The following MYT1L variants were observed in gnomAD, a reference collection of about 807,000 sequenced individuals.
The protein encoded by MYT1L is myelin transcription factor 1 like.
In MYT1L, 12 loss-of-function variants were observed where a neutral mutation model predicts 126.7. The observed-to-expected ratio is 0.09, with a 90% confidence interval of 0.06 to 0.15. The LOEUF (loss-of-function observed/expected upper bound fraction) is 0.15. Ranked by LOEUF, MYT1L falls within the 10% of genes least tolerant of loss-of-function variation. The pLI, the probability that MYT1L is intolerant of heterozygous loss-of-function variation, is 1.00. For synonymous variants in MYT1L, 541 were observed against 604.2 expected (o/e 0.90, Z 1.53); for missense variants, 979 against 1,585.2 (o/e 0.62, Z 6.49).
intron 1 of MYT1L, among the ~76,000 whole-genome samples, chr2:2,288,185 C>T (rs1326301852): frequency 1.3e-5 from 2 of 152,172 alleles, no homozygotes; most frequent in African/African-American, 2.4e-5. Flanking sequence ...CAGGTAGATA[C>T]AGGACAACAT....
chr2:1,859,872 G>T lies in MYT1L; in HGVS notation c.2712-8169C>A, dbSNP rs956305282. Among the ~76,000 whole-genome samples the T allele has an allele frequency of 7.9e-5, 12 of 152,352 alleles. No individual in the cohort carries two copies. In the East Asian group the frequency reaches 2.3e-3, roughly 29 times the overall value. On this transcript the variant is annotated intron_variant, in intron 18 of 24. Coordinates refer to ENST00000647738, the MANE Select transcript of MYT1L (RefSeq NM_001303052.2). ...GGATGAGAGGGGCTCTGGGAAAGGG[G>T]ACCCGGGCCGCGCTGGTGACAGGTC...
At chr2:1,947,969 T>C (rs549294085) in intron 8 of MYT1L, among the ~76,000 whole-genome samples, 2 of 152,376 alleles carry the variant, frequency 1.3e-5, no homozygotes, top group African/African-American at 4.8e-5. Context: ...GGCTTGGTGT[T>C]GTTAACACCT....
At chr2:2,295,791 CAGAGAG>C (rs200564543) in intron 1 of MYT1L, among the ~76,000 whole-genome samples, 24 of 100,358 alleles carry the variant, frequency 2.4e-4, no homozygotes, top group Non-Finnish European at 4.0e-4. Context: ...GAGAGACAGA[CAGAGAG>C]AGAGAGAGAG....
At chr2:2,209,011 C>A (rs2093410606) in intron 2 of MYT1L, among the ~76,000 whole-genome samples, 1 of 152,002 alleles carries the variant, frequency 6.6e-6, no homozygotes, top group South Asian at 2.1e-4. Flanking sequence ...CACACACACA[C>A]ACACACACAC....
intron 3 of MYT1L, among the ~76,000 whole-genome samples, chr2:2,138,566 T>C (rs1337618037): frequency 2.1e-5 from 3 of 141,868 alleles, no homozygotes; most frequent in African/African-American, 7.9e-5. Context: ...AAATTGGAAA[T>C]CATCATTCTC....
chr2:2,158,820 A>T (rs2087241940), intron 3 of MYT1L, among the ~76,000 whole-genome samples: 1 of 152,136 alleles, frequency 6.6e-6, no homozygotes, highest in Admixed American at 6.6e-5. Context: ...TTTCACCGAC[A>T]GGCAGACAGC....
intron 2 of MYT1L, among the ~76,000 whole-genome samples, chr2:2,265,073 C>T (rs1241025216): frequency 3.3e-5 from 5 of 150,864 alleles, no homozygotes; most frequent in Non-Finnish European, 5.9e-5. Flanking sequence ...TGTCACCCAG[C>T]CTGGAGTGCA....
At position 2,195,965 on chromosome 2, in the gene MYT1L, G is replaced by A. The variant is rs115285290; in HGVS notation, c.-420-22977C>T. Among the ~76,000 whole-genome samples the A allele has an allele frequency of 4.8e-3, 731 of 152,152 alleles. 4 individuals are homozygous for A. Among genetic ancestry groups the A allele is most frequent in the Non-Finnish European group, 7.2e-3 (491 of 67,970 alleles). Reference sequence around the variant, plus strand: ...GGAGTCCCATAAGGAGAGGCAAGAGGAGCAAAAGCAGTATTTAAAAAGATA... The same window carrying A: ...GGAGTCCCATAAGGAGAGGCAAGAGAAGCAAAAGCAGTATTTAAAAAGATA... On this transcript the variant is annotated intron_variant, in intron 2 of 24. Coordinates refer to ENST00000647738, the MANE Select transcript of MYT1L (RefSeq NM_001303052.2).
chr2:2,140,310 G>A (rs2083756383), intron 3 of MYT1L, among the ~76,000 whole-genome samples: 1 of 151,986 alleles, frequency 6.6e-6, no homozygotes, highest in Admixed American at 6.6e-5. Flanking sequence ...GTTTTGAAAG[G>A]CAATTTATTC....
intron 21 of MYT1L, among the ~76,000 whole-genome samples, chr2:1,836,355 C>T (rs767340522): frequency 6.7e-6 from 1 of 148,864 alleles, no homozygotes; most frequent in African/African-American, 2.5e-5. Flanking sequence ...CAATGTGCAC[C>T]CCAAGATTCC....
In MYT1L at chr2:2,293,680, G is replaced by A. The variant is rs144668437; in HGVS notation, c.-520-9177C>T. Among the ~76,000 whole-genome samples the A allele has an allele frequency of 4.5e-3, 684 of 152,330 alleles. 3 individuals carry two copies. The highest frequency in any genetic ancestry group is 0.016 in the African/African-American group (657 of 41,576). ...GCGCAGGGCCAAAGCTTCCGCCTGAGGCTGCCCTGGCCCTTCTGGGAAGGA... is the reference window on the plus strand; with the variant it reads ...GCGCAGGGCCAAAGCTTCCGCCTGAAGCTGCCCTGGCCCTTCTGGGAAGGA... On this transcript the variant is annotated intron_variant, in intron 1 of 24. Coordinates refer to ENST00000647738, the MANE Select transcript of MYT1L (RefSeq NM_001303052.2).
At chr2:1,847,969 C>G (rs1019827816) in intron 19 of MYT1L, among the ~76,000 whole-genome samples, 1 of 152,184 alleles carries the variant, frequency 6.6e-6, no homozygotes, top group African/African-American at 2.4e-5. Context: ...CCAGGGCCAT[C>G]CTAGGCTCAT....
At chr2:2,049,816 T>C (rs1343618453) in intron 4 of MYT1L, among the ~76,000 whole-genome samples, 2 of 152,242 alleles carry the variant, frequency 1.3e-5, no homozygotes, top group Non-Finnish European at 2.9e-5. Flanking sequence ...AGACATGGCT[T>C]TCGCCTTCTG....
chr2:2,154,344 A>C (rs564301314), intron 3 of MYT1L, among the ~76,000 whole-genome samples: 1 of 152,226 alleles, frequency 6.6e-6, no homozygotes, highest in Non-Finnish European at 1.5e-5. Flanking sequence ...ACCCGTGGTG[A>C]CATCTAAAAC....
chr2:1,939,052 C>T (rs912605900), intron 9 of MYT1L, among the ~76,000 whole-genome samples: 6 of 152,186 alleles, frequency 3.9e-5, no homozygotes, highest in South Asian at 2.1e-4. Context: ...CGGGATAAAT[C>T]GCCTGAGACT....
At chr2:2,070,313 A>G (rs542868064) in intron 3 of MYT1L, among the ~76,000 whole-genome samples, 12 of 152,260 alleles carry the variant, frequency 7.9e-5, no homozygotes, top group African/African-American at 2.4e-4. Context: ...CCATTTGTCT[A>G]TCCATCCAAC....
intron 21 of MYT1L, among the ~76,000 whole-genome samples, chr2:1,835,091 G>A (rs950938864): frequency 1.3e-5 from 2 of 149,736 alleles, no homozygotes; most frequent in African/African-American, 5.0e-5. Flanking sequence ...CACGGGGATG[G>A]ATACAGGTGC....
chr2:2,182,511 C>T (rs1307929018), intron 2 of MYT1L, among the ~76,000 whole-genome samples: 1 of 152,116 alleles, frequency 6.6e-6, no homozygotes, highest in Non-Finnish European at 1.5e-5. Flanking sequence ...ACCCCCCACA[C>T]TCTTTCTCTC....
intron 11 of MYT1L, among the ~76,000 whole-genome samples, chr2:1,916,521 C>A (rs1303161794): frequency 6.6e-6 from 1 of 152,112 alleles, no homozygotes; most frequent in Non-Finnish European, 1.5e-5. Context: ...ACTTTATGTG[C>A]TGAAAGGATA....
Sources: gnomAD v4.1 joint callset for allele counts (sites outside exome capture counted in the v4.1 genomes callset) on GRCh38, gnomAD v4.1.1 for gene constraint, MANE v1.5 for transcripts, NCBI Gene and HGNC (gene_info 2026-07-23, HGNC 2026-07-21) for gene names.